Variants in FGGY observed in about 807,000 individuals in gnomAD.
FGGY encodes the protein FGGY carbohydrate kinase domain-containing protein.
FGGY carries 72 observed loss-of-function variants against 71.3 expected under a neutral mutation model. The observed-to-expected ratio is 1.01, with a 90% confidence interval of 0.84 to 1.23. FGGY has a LOEUF of 1.23. FGGY is among the 50% of genes most tolerant of loss of function. The pLI is 0.00. For synonymous variants in FGGY, 251 were observed against 250.3 expected (o/e 1.00, Z -0.02); for missense variants, 668 against 682.3 (o/e 0.98, Z 0.23).
At chr1:59,709,962 C>T (rs1350757359) in intron 14 of FGGY, among the ~76,000 whole-genome samples, 1 of 152,128 alleles carries the variant, frequency 6.6e-6, no homozygotes, top group African/African-American at 2.4e-5. Context: ...CACAGGGGGC[C>T]CAATGTCTGG....
At chr1:59,406,510 A>G (rs559005058) in intron 5 of FGGY, among the ~76,000 whole-genome samples, 1 of 152,334 alleles carries the variant, frequency 6.6e-6, no homozygotes, top group South Asian at 2.1e-4. Context: ...GATAAGCTTC[A>G]TTCAGGCAGG....
chr1:59,315,224 C>T (rs78662086), intron 1 of FGGY, among the ~76,000 whole-genome samples: 7,553 of 151,936 alleles, frequency 0.05, 606 homozygotes, highest in African/African-American at 0.17. Context: ...TTTTCTGGGG[C>T]AGGAAGAATT....
intron 5 of FGGY, among the ~76,000 whole-genome samples, chr1:59,408,020 A>G (rs1293795326): frequency 6.6e-6 from 1 of 152,222 alleles, no homozygotes; most frequent in Non-Finnish European, 1.5e-5. Flanking sequence ...AATACGGAAT[A>G]TTTCTTTGTT....
At chr1:59,556,512 C>T (rs960109451) in intron 8 of FGGY, among the ~76,000 whole-genome samples, 1 of 152,210 alleles carries the variant, frequency 6.6e-6, no homozygotes, top group South Asian at 2.1e-4. Context: ...GATTCCAAAG[C>T]TCATACTCCT....
intron 5 of FGGY, among the ~76,000 whole-genome samples, chr1:59,390,262 C>A (rs1412227398): frequency 1.3e-5 from 2 of 152,136 alleles, no homozygotes; most frequent in Non-Finnish European, 2.9e-5. Flanking sequence ...ATAGGCATTT[C>A]AAAATAACAG....
In FGGY at chr1:59,641,296, T is replaced by C. The variant is rs780172010; in HGVS notation, c.1221+2921T>C. On this transcript the variant is annotated intron_variant, in intron 11 of 15. Transcript: ENST00000303721. ...ATTTCTCAGAGAACCACTGGATATC[T>C]GTATATTCCGGCTTTGGCAGCGTTG... 176 of 1,609,602 alleles carry C rather than the reference T, an allele frequency of 1.1e-4. 2 individuals are homozygous for C. Among genetic ancestry groups the C allele is most frequent in the Non-Finnish European group, 1.4e-4 (166 of 1,179,028 alleles).
At chr1:59,407,361 C>T (rs1451806944) in intron 5 of FGGY, among the ~76,000 whole-genome samples, 3 of 152,090 alleles carry the variant, frequency 2.0e-5, no homozygotes, top group African/African-American at 7.2e-5. Context: ...TTTACAAGAC[C>T]GCCTGAGAAA....
chr1:59,646,330 A>C (rs900833430), intron 11 of FGGY, among the ~76,000 whole-genome samples: 1 of 151,678 alleles, frequency 6.6e-6, no homozygotes, highest in Middle Eastern at 3.2e-3. Flanking sequence ...TTTTTTTTAC[A>C]TATTTTTGCT....
intron 1 of FGGY, among the ~76,000 whole-genome samples, chr1:59,306,881 A>G (rs1031898648): frequency 1.3e-5 from 2 of 152,234 alleles, no homozygotes; most frequent in Non-Finnish European, 2.9e-5. Context: ...GCTGAGCTAC[A>G]CTGAAATCCA....
intron 5 of FGGY, among the ~76,000 whole-genome samples, chr1:59,408,972 T>G (rs927038089): frequency 6.6e-6 from 1 of 152,210 alleles, no homozygotes; most frequent in East Asian, 1.9e-4. Flanking sequence ...CAGCCTTAAC[T>G]GGACTTTTGT....
chr1:59,608,113 G>A (rs1224782185), intron 9 of FGGY, among the ~76,000 whole-genome samples: 4 of 152,176 alleles, frequency 2.6e-5, no homozygotes, highest in African/African-American at 9.7e-5. Flanking sequence ...AGGCAGTGAT[G>A]ACCAGCCCTT....
intron 5 of FGGY, among the ~76,000 whole-genome samples, chr1:59,448,429 T>C (rs892613733): frequency 1.3e-5 from 2 of 152,142 alleles, no homozygotes; most frequent in African/African-American, 2.4e-5. Flanking sequence ...AGAGCATTGT[T>C]GGAAGGCTCT....
intron 10 of FGGY, among the ~76,000 whole-genome samples, chr1:59,632,324 A>T (rs1358455939): frequency 6.6e-6 from 1 of 152,138 alleles, no homozygotes; most frequent in Admixed American, 6.5e-5. Context: ...CAAAGCCCTT[A>T]ATGTTGTCTT....
At chr1:59,388,892 A>G (rs2060383283) in intron 5 of FGGY, among the ~76,000 whole-genome samples, 1 of 152,142 alleles carries the variant, frequency 6.6e-6, no homozygotes, top group South Asian at 2.1e-4. Flanking sequence ...AAACTTATTT[A>G]TCACCCCAAA....
intron 8 of FGGY, among the ~76,000 whole-genome samples, chr1:59,582,801 A>G (rs1217046852): frequency 6.7e-6 from 1 of 150,342 alleles, no homozygotes; most frequent in African/African-American, 2.5e-5. Flanking sequence ...CCACGGCCTC[A>G]TAAAGCTCCT....
chr1:59,316,472 C>A (rs2045473691), intron 1 of FGGY: 2 of 152,148 alleles, frequency 1.3e-5, no homozygotes. Flanking sequence ...TAGCTTGTAC[C>A]CCCTTCTTAG....
intron 9 of FGGY, among the ~76,000 whole-genome samples, chr1:59,614,988 T>G (rs924498625): frequency 4.6e-5 from 7 of 152,012 alleles, no homozygotes; most frequent in East Asian, 3.8e-4. Context: ...CACTGCTCAA[T>G]GAAATAAAAG....
chr1:59,639,070 G>C (rs2096991518), intron 11 of FGGY, among the ~76,000 whole-genome samples: 3 of 152,264 alleles, frequency 2.0e-5, no homozygotes, highest in South Asian at 4.1e-4. Context: ...GGGGCCAGGT[G>C]AGGCCACAAA....
chr1:59,420,950 A>ATG (rs2065302159), intron 5 of FGGY, among the ~76,000 whole-genome samples: 1 of 152,084 alleles, frequency 6.6e-6, no homozygotes, highest in Non-Finnish European at 1.5e-5. Context: ...GTTTCTGATA[A>ATG]TGCTTTACAC....
Sources: allele counts gnomAD v4.1 joint callset (sites outside exome capture counted in the v4.1 genomes callset), GRCh38; gene constraint gnomAD v4.1.1; transcripts MANE v1.5; gene names NCBI Gene and HGNC (gene_info 2026-07-23, HGNC 2026-07-21).